DPP10: variants seen among roughly 807,000 people sequenced by gnomAD.
DPP10 encodes the protein dipeptidyl peptidase like 10.
DPP10 carries 33 observed loss-of-function variants against 120.9 expected under a neutral mutation model. That is an observed-to-expected ratio of 0.27 (90% CI 0.21 to 0.37). The LOEUF (loss-of-function observed/expected upper bound fraction) is 0.37. Among genes scored for constraint, DPP10 ranks in the 10% least tolerant of loss-of-function variants. The probability of loss-of-function intolerance (pLI) is 1.00; values close to 1 mark genes in which losing one functional copy is unlikely to be tolerated. For synonymous variants in DPP10, 337 were observed against 326.1 expected, an observed-to-expected ratio of 1.03 and a Z score of -0.36; for missense variants, 816 against 942.8, an observed-to-expected ratio of 0.87 and a Z score of 1.76.
chr2:115,388,161 C>T (rs2067081479), intron 3 of DPP10, among the ~76,000 whole-genome samples: 1 of 152,290 alleles, frequency 6.6e-6, no homozygotes, highest in South Asian at 2.1e-4. Context: ...GGTGGGAATG[C>T]ATGTAGTCTA....
chr2:114,865,350 T>C (rs10221627), intron 1 of DPP10, among the ~76,000 whole-genome samples: 269 of 152,366 alleles, frequency 1.8e-3, no homozygotes, highest in African/African-American at 6.1e-3. Flanking sequence ...AAACAAGTTT[T>C]CAATTCTTTA....
chr2:115,330,285 GT>G (rs1209769034), intron 2 of DPP10, among the ~76,000 whole-genome samples: 10 of 151,954 alleles, frequency 6.6e-5, no homozygotes, highest in Non-Finnish European at 1.2e-4. Flanking sequence ...TGTTGGGTTT[GT>G]TTTTTTCTTG....
At chr2:114,765,240 G>A (rs1464610904) in intron 1 of DPP10, among the ~76,000 whole-genome samples, 1 of 152,098 alleles carries the variant, frequency 6.6e-6, no homozygotes, top group Non-Finnish European at 1.5e-5. Flanking sequence ...ACACTCGTGT[G>A]GTGGTAAAAT....
At chr2:114,772,566 C>A (rs1031716802) in intron 1 of DPP10, among the ~76,000 whole-genome samples, 1 of 152,076 alleles carries the variant, frequency 6.6e-6, no homozygotes, top group Non-Finnish European at 1.5e-5. Context: ...TTATGTCATC[C>A]TCATTTACAG....
At chr2:114,536,735 A>C (rs1216197624) in intron 1 of DPP10, among the ~76,000 whole-genome samples, 2 of 151,734 alleles carry the variant, frequency 1.3e-5, no homozygotes, top group East Asian at 3.9e-4. Flanking sequence ...GAGCTGTTTA[A>C]TTTCTCTGGG....
chr2:115,697,980 TAAAAC>T (rs984798218), intron 7 of DPP10, among the ~76,000 whole-genome samples: 11 of 152,136 alleles, frequency 7.2e-5, no homozygotes, highest in Middle Eastern at 6.8e-3. Flanking sequence ...GACTCCATCT[TAAAAC>T]AAATAAATAA....
rs116587266 is a variant in DPP10 at position 114,707,978 on chromosome 2, C to T, written c.60+265140C>T. 7.6e-3 allele frequency among the ~76,000 whole-genome samples: 1,152 copies of T among 152,214 alleles called. 13 individuals are homozygous for T. The highest frequency in any genetic ancestry group is 0.026 in the African/African-American group (1,083 of 41,528). ...AGGAGGTTTTTCACAAACCCAGCTG[C>T]CAGAATTCTACAAGAGTTCTTGACT... is the stretch of plus-strand genomic sequence containing the variant. On this transcript the variant is annotated intron_variant, in intron 1 of 25. Coordinates refer to ENST00000410059, the MANE Select transcript of DPP10 (RefSeq NM_020868.6).
intron 3 of DPP10, among the ~76,000 whole-genome samples, chr2:115,368,830 A>G (rs1202666698): frequency 6.6e-6 from 1 of 151,606 alleles, no homozygotes; most frequent in Non-Finnish European, 1.5e-5. Context: ...ATTCCAAAAT[A>G]TTTTCTTTAA....
chr2:115,048,631 G>A (rs1213567435), intron 1 of DPP10, among the ~76,000 whole-genome samples: 4 of 152,104 alleles, frequency 2.6e-5, no homozygotes, highest in African/African-American at 7.2e-5. Flanking sequence ...ATGCCAAATA[G>A]CTCCCTTCAT....
intron 1 of DPP10, among the ~76,000 whole-genome samples, chr2:114,474,481 A>T (rs1279395766): frequency 6.6e-6 from 1 of 152,152 alleles, no homozygotes; most frequent in Non-Finnish European, 1.5e-5. Flanking sequence ...GGGAACAAGG[A>T]TATGTTGGTG....
At chr2:115,529,675 A>G (rs2078348151) in intron 5 of DPP10, among the ~76,000 whole-genome samples, 1 of 152,134 alleles carries the variant, frequency 6.6e-6, no homozygotes, top group Admixed American at 6.6e-5. Context: ...ATCAATTATT[A>G]AATAAACTAG....
chr2:115,797,335 G>C (rs1250070719), intron 19 of DPP10, among the ~76,000 whole-genome samples: 1 of 151,954 alleles, frequency 6.6e-6, no homozygotes, highest in Non-Finnish European at 1.5e-5. Context: ...TGTGAGAGGT[G>C]AGTTCATTTT....
intron 5 of DPP10, among the ~76,000 whole-genome samples, chr2:115,639,934 T>G (rs1435136967): frequency 2.0e-5 from 3 of 151,632 alleles, no homozygotes. Context: ...TATAAGTGAT[T>G]TTTTTTTAAC....
chr2:115,584,352 T>G (rs1358820993), intron 5 of DPP10, among the ~76,000 whole-genome samples: 1 of 152,128 alleles, frequency 6.6e-6, no homozygotes, highest in East Asian at 1.9e-4. Context: ...TTGGCTTGTT[T>G]TTGCACAATC....
intron 1 of DPP10, among the ~76,000 whole-genome samples, chr2:115,103,508 C>A (rs1008713018): frequency 3.9e-5 from 6 of 152,164 alleles, no homozygotes; most frequent in African/African-American, 1.4e-4. Context: ...ATTCTTGAAC[C>A]AAGTCTTCTT....
chr2:114,532,843 C>T (rs1030922054), intron 1 of DPP10, among the ~76,000 whole-genome samples: 3 of 152,074 alleles, frequency 2.0e-5, no homozygotes, highest in Non-Finnish European at 2.9e-5. Flanking sequence ...ACTCAGACCA[C>T]GTGGTGGGGT....
intron 1 of DPP10, among the ~76,000 whole-genome samples, chr2:114,812,992 A>G (rs142696645): frequency 2.6e-5 from 4 of 152,212 alleles, no homozygotes; most frequent in Non-Finnish European, 5.9e-5. Context: ...AATTACGTAC[A>G]TGCATCACGT....
chr2:114,560,488 C>A (rs970448936), intron 1 of DPP10, among the ~76,000 whole-genome samples: 1 of 152,104 alleles, frequency 6.6e-6, no homozygotes, highest in African/African-American at 2.4e-5. Context: ...AGTTGGGGAC[C>A]AGTGTCAGGT....
At chr2:115,809,810 A>G (rs1021298192) in intron 19 of DPP10, among the ~76,000 whole-genome samples, 9 of 152,200 alleles carry the variant, frequency 5.9e-5, no homozygotes, top group Admixed American at 5.2e-4. Context: ...TCGTTAGAAT[A>G]ATATTCTTCC....
Sources: allele counts gnomAD v4.1 joint callset (sites outside exome capture counted in the v4.1 genomes callset), GRCh38; gene constraint gnomAD v4.1.1; transcripts MANE v1.5; gene names NCBI Gene and HGNC (gene_info 2026-07-23, HGNC 2026-07-21).